APLF: variants seen among roughly 807,000 people sequenced by gnomAD.
The protein encoded by APLF is aprataxin and PNK-like factor.
In APLF, 61 loss-of-function variants were observed where a neutral mutation model predicts 55.6. The observed-to-expected ratio is 1.10, with a 90% CI of 0.89 to 1.36. The LOEUF is 1.36. Ranked by LOEUF, APLF falls within the 40% of genes most tolerant of loss-of-function variation. APLF has a pLI of 0.00. For missense variants in APLF, 611 were observed against 602.5 expected, an observed-to-expected ratio of 1.01 and a Z score of -0.15; for synonymous variants, 207 against 214.8, an observed-to-expected ratio of 0.96 and a Z score of 0.32.
intron 5 of APLF, among the ~76,000 whole-genome samples, chr2:68,518,772 ATATCATTATATAATAAAATATTAATAATC>A (rs1298873056): frequency 2.8e-5 from 3 of 106,816 alleles, no homozygotes; most frequent in Admixed American, 1.3e-4. Flanking sequence ...TATTAATAAT[ATATCATTATATAATAAAATATTAATAATC>A]TATCATATAA....
At chr2:68,519,031 G>T (rs192762010) in intron 5 of APLF, among the ~76,000 whole-genome samples, 9,110 of 105,502 alleles carry the variant, frequency 0.086, 408 homozygotes, top group Middle Eastern at 0.15. Flanking sequence ...TATAATATAT[G>T]ATTAATATAT....
chr2:68,468,775 T>C (rs1675515899), intron 1 of APLF, among the ~76,000 whole-genome samples: 1 of 152,190 alleles, frequency 6.6e-6, no homozygotes, highest in Non-Finnish European at 1.5e-5. Flanking sequence ...CAAAGATGAA[T>C]GGAACATGGG....
intron 8 of APLF, among the ~76,000 whole-genome samples, chr2:68,565,782 G>A (rs570842124): frequency 5.1e-4 from 77 of 152,146 alleles, no homozygotes; most frequent in Admixed American, 1.6e-3. Context: ...TGGTGAAAAA[G>A]CAGTTGGATA....
intron 2 of APLF, among the ~76,000 whole-genome samples, chr2:68,496,151 G>A (rs1676540205): frequency 6.6e-6 from 1 of 152,216 alleles, no homozygotes; most frequent in African/African-American, 2.4e-5. Flanking sequence ...ACCCAAGCTG[G>A]AGTGTAGTGG....
intron 5 of APLF, among the ~76,000 whole-genome samples, chr2:68,514,503 G>T (rs1381358281): frequency 6.6e-6 from 1 of 151,840 alleles, no homozygotes; most frequent in Non-Finnish European, 1.5e-5. Context: ...TATGGCAGCT[G>T]CAGTGTCTAG....
chr2:68,551,185 A>G (rs998528048), intron 8 of APLF, among the ~76,000 whole-genome samples: 19 of 152,092 alleles, frequency 1.2e-4, no homozygotes, highest in African/African-American at 4.1e-4. Context: ...TCTTGCATCC[A>G]TAGTTTCTCT....
Position 68,545,265 on chromosome 2 carries a change from T to C in APLF, c.1239T>C (p.Asp413=). ...GAGGTGTACAAATCGTGGGCCAAGATGAGACTGATGACCGGCCTGAATGTC... is the reference window on the plus strand; with the variant it reads ...GAGGTGTACAAATCGTGGGCCAAGACGAGACTGATGACCGGCCTGAATGTC... ...DYGGVQIVGQ[D]ETDDRPECPY... The change falls in exon 8 of 10, where the codon GAT becomes GAC. Residue 413 remains aspartate (D), a synonymous_variant. Coordinates refer to ENST00000303795, the MANE Select transcript of APLF (RefSeq NM_173545.3). 1 of 1,613,850 alleles carries C rather than the reference T, an allele frequency of 6.2e-7. No individual in the cohort carries two copies.
chr2:68,550,737 T>C (rs1209936127), intron 8 of APLF, among the ~76,000 whole-genome samples: 5 of 152,194 alleles, frequency 3.3e-5, no homozygotes, highest in African/African-American at 1.2e-4. Context: ...TATTACAATC[T>C]ACCTTACTGT....
At chr2:68,487,488 A>G (rs1210235608) in intron 1 of APLF, among the ~76,000 whole-genome samples, 1 of 152,164 alleles carries the variant, frequency 6.6e-6, no homozygotes, top group South Asian at 2.1e-4. Context: ...GAAGTATAAT[A>G]ATAGTATCTT....
At chr2:68,560,269 TACTG>T (rs1671133851) in intron 8 of APLF, among the ~76,000 whole-genome samples, 1 of 152,178 alleles carries the variant, frequency 6.6e-6, no homozygotes, top group African/African-American at 2.4e-5. Context: ...GCTTGTTTAC[TACTG>T]ACTGAGTCTC....
intron 6 of APLF, among the ~76,000 whole-genome samples, chr2:68,533,704 C>A (rs983594185): frequency 6.6e-6 from 1 of 152,150 alleles, no homozygotes; most frequent in Non-Finnish European, 1.5e-5. Flanking sequence ...CCACCTCCCT[C>A]CCTGTACCAT....
intron 1 of APLF, among the ~76,000 whole-genome samples, chr2:68,484,794 T>C (rs1481275516): frequency 6.6e-6 from 1 of 151,888 alleles, no homozygotes; most frequent in Non-Finnish European, 1.5e-5. Flanking sequence ...GCCAGGAGTT[T>C]GAGACCAGCC....
chr2:68,571,360 G>A (rs1159443961), intron 9 of APLF, among the ~76,000 whole-genome samples: 2 of 152,016 alleles, frequency 1.3e-5, no homozygotes, highest in Non-Finnish European at 2.9e-5. Context: ...TAGACATGAA[G>A]TCCTTGCTTA....
intron 9 of APLF, among the ~76,000 whole-genome samples, chr2:68,575,352 A>G (rs1671592728): frequency 6.6e-6 from 1 of 152,204 alleles, no homozygotes; most frequent in Non-Finnish European, 1.5e-5. Context: ...GAGTAAACAG[A>G]ATGGCATAGG....
At chr2:68,517,324 GTCATTACTATATAATATATTAATA>G (rs1669636022) in intron 5 of APLF, among the ~76,000 whole-genome samples, 1 of 61,468 alleles carries the variant, frequency 1.6e-5, no homozygotes, top group Admixed American at 1.5e-4. Flanking sequence ...ATTAATATAT[GTCATTACTATATAATATATTAATA>G]TATCATTACT....
intron 8 of APLF, among the ~76,000 whole-genome samples, chr2:68,549,704 A>T (rs1001266313): frequency 1.3e-5 from 2 of 151,916 alleles, no homozygotes; most frequent in African/African-American, 4.8e-5. Context: ...TTGCTAGTTG[A>T]TTTTTTTCCT....
intron 8 of APLF, among the ~76,000 whole-genome samples, chr2:68,562,076 G>A (rs573456096): frequency 5.9e-5 from 9 of 151,954 alleles, no homozygotes; most frequent in Non-Finnish European, 1.3e-4. Flanking sequence ...AGATGGAAAT[G>A]ATACCGTTTG....
Position 68,526,254 on chromosome 2 carries a change from A to T in APLF, c.804+12A>T. On this transcript the variant is annotated intron_variant, in intron 6 of 9. Coordinates refer to ENST00000303795, the MANE Select transcript of APLF (RefSeq NM_173545.3). ...CCATTTCATCCAAGGTGATTTTAAA[A>T]AATTCATTATTTGATTGTTTTTTTG... The T allele has an allele frequency of 6.3e-7, 1 of 1,595,798 alleles. No homozygotes were observed. The highest frequency in any genetic ancestry group is 8.5e-7 in the Non-Finnish European group (1 of 1,172,806).
At chr2:68,506,252 T>C (rs372818164) in intron 3 of APLF, among the ~76,000 whole-genome samples, 11 of 133,138 alleles carry the variant, frequency 8.3e-5, no homozygotes, top group African/African-American at 4.4e-4. Context: ...ACCCTAGTTA[T>C]TAGATTAGAA....
Sources: gnomAD v4.1 joint callset for allele counts (sites outside exome capture counted in the v4.1 genomes callset) on GRCh38, gnomAD v4.1.1 for gene constraint, MANE v1.5 for transcripts, NCBI Gene and HGNC (gene_info 2026-07-23, HGNC 2026-07-21) for gene names.